Variants in ARL17B observed in about 807,000 individuals in gnomAD.
The protein encoded by ARL17B is ARF like GTPase 17B, also known as ADP-ribosylation factor-like protein 17.
intron 4 of ARL17B, among the ~76,000 whole-genome samples, chr17:46,277,111 GTTTA>G (rs1173777510): frequency 6.6e-6 from 1 of 152,172 alleles, no homozygotes; most frequent in Non-Finnish European, 1.5e-5. Flanking sequence ...AGCCTAATTT[GTTTA>G]TTTAAGCAGA....
At chr17:46,282,197 G>A (rs1381188660) in intron 4 of ARL17B, among the ~76,000 whole-genome samples, 1 of 151,872 alleles carries the variant, frequency 6.6e-6, no homozygotes, top group East Asian at 1.9e-4. Flanking sequence ...CTGTCTCCCG[G>A]GTTCATGCCA....
rs1354319807 is a variant in ARL17B, at chr17:46,338,307, C to T, written c.*1193G>A. On this transcript the variant is annotated 3_prime_UTR_variant, in exon 4 of 4. Coordinates refer to ENST00000450673, the MANE Select transcript of ARL17B (RefSeq NM_001039083.5). ...AAGGGCTCAGTCACACAGAACCATC[C>T]GCATGTCAGACCCCAGGTGCAAGGC... is the stretch of plus-strand genomic sequence containing the variant. 1.2e-5 allele frequency among the ~76,000 whole-genome samples: 1 copy of T among 84,238 alleles called. No individual in the cohort carries two copies. Among genetic ancestry groups the T allele is most frequent in the East Asian group, 2.3e-4 (1 of 4,258 alleles). 55.3% of individuals were successfully genotyped at this position (84,238 alleles called of 152,430 possible).
At chr17:46,285,535 C>T (rs2049884902) in intron 4 of ARL17B, among the ~76,000 whole-genome samples, 1 of 152,188 alleles carries the variant, frequency 6.6e-6, no homozygotes, top group Admixed American at 6.5e-5. Context: ...GCCCCCGTAC[C>T]CAGCCACCTT....
intron 4 of ARL17B, among the ~76,000 whole-genome samples, chr17:46,280,569 C>CTTTTTTTTTTT (rs56981193): frequency 5.4e-5 from 6 of 112,012 alleles, no homozygotes; most frequent in Non-Finnish European, 8.5e-5. Flanking sequence ...TGATAGCACA[C>CTTTTTTTTTTT]TTTTTTTTTT....
chr17:46,325,649 A>G lies in ARL17B; in HGVS notation c.260-25984T>C, dbSNP rs1820296438. ...TTGTGAAAATGTGTATACGGACCGC[A>G]TAGTAGACAATGATAATATGAAGTT... On this transcript the variant is annotated intron_variant, in intron 3 of 4. Transcript: ENST00000434041. 1.7e-4 allele frequency among the ~76,000 whole-genome samples: 14 copies of G among 81,470 alleles called. 6 individuals carry two copies. In the South Asian group the frequency reaches 7.7e-3, roughly 45 times the overall value. The allele number at this position is 81,470 out of a possible 152,430, so 53.4% of individuals were successfully genotyped here. A position where few individuals can be genotyped will look rare whatever the true frequency, so the allele number is the denominator to read the frequency against.
intron 4 of ARL17B, among the ~76,000 whole-genome samples, chr17:46,290,666 C>T (rs1451155793): frequency 2.6e-5 from 4 of 152,214 alleles, no homozygotes; most frequent in East Asian, 1.9e-4. Context: ...AGGCTGGTCT[C>T]GAACTCCTGA....
chr17:46,356,306 A>ACTGG (rs1364642264), intron 2 of ARL17B, among the ~76,000 whole-genome samples: 2 of 35,214 alleles, frequency 5.7e-5, no homozygotes, highest in Admixed American at 2.6e-4. Context: ...AATAAACTTA[A>ACTGG]AGTTAAATAC....
chr17:46,327,014 GCATGT>G (rs2051764804), intron 3 of ARL17B, among the ~76,000 whole-genome samples: 1 of 82,912 alleles, frequency 1.2e-5, no homozygotes, highest in East Asian at 2.3e-4. Flanking sequence ...ATCAGGCACT[GCATGT>G]CATGTCTTCA....
At chr17:46,327,161 C>G (rs1374759639) in intron 3 of ARL17B, among the ~76,000 whole-genome samples, 2 of 85,044 alleles carry the variant, frequency 2.4e-5, no homozygotes, top group African/African-American at 6.3e-5. Flanking sequence ...TGATGAAATT[C>G]AAGTTAAGCA....
At chr17:46,278,600 C>T (rs1234075043) in intron 4 of ARL17B, among the ~76,000 whole-genome samples, 2 of 151,674 alleles carry the variant, frequency 1.3e-5, no homozygotes. Flanking sequence ...GATGAGGTTT[C>T]ACCATCTTGG....
rs1360524355 is a variant in ARL17B, at chr17:46,291,985, A to AAAAAAAAAAAAAC, written c.*21+7540_*21+7541insGTTTTTTTTTTTT. On this transcript the variant is annotated intron_variant, in intron 4 of 4. Coordinates refer to the ARL17B transcript ENST00000570618. Reference sequence around the variant, plus strand: ...CTCAAAAAGCAAAAAAAAAAAAAAAAAAGCCAATAAAATCAATGGTCTAAT... The same window carrying AAAAAAAAAAAAAC: ...CTCAAAAAGCAAAAAAAAAAAAAAAAAAAAAAAAAAAACAAGCCAATAAAATCAATGGTCTAAT... Among the ~76,000 whole-genome samples the AAAAAAAAAAAAAC allele has an allele frequency of 2.5e-4, 19 of 76,654 alleles. 2 individuals are homozygous for AAAAAAAAAAAAAC. Among genetic ancestry groups the AAAAAAAAAAAAAC allele is most frequent in the Non-Finnish European group, 3.9e-4 (14 of 36,344 alleles). The allele number at this position is 76,654 out of a possible 152,430, so 50.3% of individuals were successfully genotyped here.
At chr17:46,324,675 TAG>T (rs367586336) in intron 3 of ARL17B, among the ~76,000 whole-genome samples, 36,864 of 47,928 alleles carry the variant, frequency 0.77, 16,088 homozygotes, top group Non-Finnish European at 0.94. Context: ...TATATAGATA[TAG>T]ATATATATAT....
At chr17:46,314,506 G>T (rs1469367360) in intron 3 of ARL17B, among the ~76,000 whole-genome samples, 1 of 80,294 alleles carries the variant, frequency 1.2e-5, no homozygotes, top group Admixed American at 1.3e-4. Context: ...ATGGAGACGG[G>T]GTTTCAGCAC....
intron 4 of ARL17B, among the ~76,000 whole-genome samples, chr17:46,282,076 TG>T (rs1160357382): frequency 3.9e-5 from 6 of 152,328 alleles, no homozygotes; most frequent in Middle Eastern, 3.4e-3. Context: ...ATACTTTAGC[TG>T]GGCTTGTCCT....
At chr17:46,289,141 C>T (rs188083043) in intron 4 of ARL17B, among the ~76,000 whole-genome samples, 4 of 152,216 alleles carry the variant, frequency 2.6e-5, no homozygotes, top group East Asian at 1.9e-4. Context: ...TTGGCATCCA[C>T]GAACAAATTT....
At chr17:46,285,224 T>C (rs1177012310) in intron 4 of ARL17B, among the ~76,000 whole-genome samples, 1 of 151,516 alleles carries the variant, frequency 6.6e-6, no homozygotes, top group East Asian at 1.9e-4. Flanking sequence ...ATACCTATCC[T>C]GGTTTTCTTT....
intron 4 of ARL17B, among the ~76,000 whole-genome samples, chr17:46,280,926 C>G (rs1262313424): frequency 6.6e-6 from 1 of 152,312 alleles, no homozygotes; most frequent in South Asian, 2.1e-4. Context: ...ACCCTGAGTC[C>G]TTACATGACT....
chr17:46,291,133 G>A (rs2050054557), intron 4 of ARL17B, among the ~76,000 whole-genome samples: 2 of 152,212 alleles, frequency 1.3e-5, no homozygotes, highest in Admixed American at 6.5e-5. Context: ...GAGAGAGACT[G>A]AACTTCTTCT....
At chr17:46,289,858 A>C (rs1253931429) in intron 4 of ARL17B, among the ~76,000 whole-genome samples, 5 of 152,186 alleles carry the variant, frequency 3.3e-5, no homozygotes, top group Non-Finnish European at 7.3e-5. Context: ...ACTGGCTCAC[A>C]CCTGTAATCC....
Sources: allele counts gnomAD v4.1 joint callset (sites outside exome capture counted in the v4.1 genomes callset), GRCh38; gene constraint gnomAD v4.1.1; transcripts MANE v1.5; gene names NCBI Gene and HGNC (gene_info 2026-07-23, HGNC 2026-07-21).